The following SLC18A2 variants were observed in gnomAD, a reference collection of about 807,000 sequenced individuals.
SLC18A2 encodes the protein solute carrier family 18 member A2, also known as synaptic vesicular amine transporter.
SLC18A2 carries 33 observed loss-of-function variants against 59.2 expected under a neutral mutation model. The ratio of observed to expected loss-of-function variants is 0.56; its 90% CI spans 0.42 to 0.75. The LOEUF is 0.75. SLC18A2 is among the 30% of genes least tolerant of loss of function. The pLI, the probability that SLC18A2 is intolerant of heterozygous loss-of-function variation, is 0.00. For missense variants in SLC18A2, 569 were observed against 668.6 expected (o/e 0.85, Z 1.64); for synonymous variants, 228 against 253.5 (o/e 0.90, Z 0.95).
At position 117,241,746 on chromosome 10, in the gene SLC18A2, C is replaced by G. The variant is rs556880835; in HGVS notation, c.53C>G (p.Ser18Trp). ...CGCTGGCTGCAGGAGAGCCGCCGCT[C>G]GCGGAAGCTCATCCTGTTCATCGTG... ...LVRWLQESRR[S>W]RKLILFIVFL... The change falls in exon 2 of 16, where the codon TCG becomes TGG. Residue 18 changes from serine to tryptophan, a missense_variant. By Grantham distance (177) the Ser-to-Trp change is radical (BLOSUM62 -3). This residue lies in a region of SLC18A2 where 377 missense variants were observed against 389.8 expected (regional missense o/e 0.97). Transcript: ENST00000644641. 1 of 1,610,468 alleles carries G rather than the reference C, an allele frequency of 6.2e-7. No individual in the cohort carries two copies. Among genetic ancestry groups the G allele is most frequent in the East Asian group, 2.2e-5 (1 of 44,616 alleles).
chr10:117,262,647 A>G (rs896632854), intron 10 of SLC18A2, among the ~76,000 whole-genome samples: 48 of 150,710 alleles, frequency 3.2e-4, no homozygotes, highest in Non-Finnish European at 1.6e-4. Flanking sequence ...TTTGCATGCA[A>G]CTCTTGAGCT....
At chr10:117,268,938 A>G (rs1182075294) in intron 13 of SLC18A2, among the ~76,000 whole-genome samples, 1 of 151,972 alleles carries the variant, frequency 6.6e-6, no homozygotes, top group Non-Finnish European at 1.5e-5. Context: ...TAAAACACAC[A>G]TGCACACACA....
chr10:117,259,017 G>A (rs1322525681), intron 10 of SLC18A2, among the ~76,000 whole-genome samples: 2 of 152,000 alleles, frequency 1.3e-5, no homozygotes, highest in African/African-American at 4.8e-5. Flanking sequence ...ATTTAATGCC[G>A]TTGCAGCGCC....
At chr10:117,256,665 TGGCCAAA>T (rs1844234896) in intron 9 of SLC18A2, among the ~76,000 whole-genome samples, 1 of 152,194 alleles carries the variant, frequency 6.6e-6, no homozygotes, top group African/African-American at 2.4e-5. Context: ...TCATGCTTGC[TGGCCAAA>T]GGGATATGGA....
chr10:117,251,490 A>C (rs182221377), intron 3 of SLC18A2, among the ~76,000 whole-genome samples: 11 of 152,132 alleles, frequency 7.2e-5, no homozygotes, highest in Admixed American at 5.2e-4. Context: ...TCTCTGGTTT[A>C]CCCAATTTGC....
At chr10:117,262,001 G>A (rs200220916) in intron 10 of SLC18A2, among the ~76,000 whole-genome samples, 3 of 152,202 alleles carry the variant, frequency 2.0e-5, no homozygotes, top group East Asian at 3.9e-4. Flanking sequence ...TCTGCCACTC[G>A]GGTTCAAGCA....
At chr10:117,241,868 C>T (rs1844059524) in intron 2 of SLC18A2, 54 bp downstream of exon 2, 1 of 1,528,348 alleles carries the variant, frequency 6.5e-7, no homozygotes, top group South Asian at 1.2e-5. Context: ...GCGCCCCTTC[C>T]CCGGCACTCC....
rs192366715 is a variant in SLC18A2, at chr10:117,253,779, G to A, written c.524-269G>A. Among the ~76,000 whole-genome samples, 853 of 152,344 alleles carry A rather than the reference G, an allele frequency of 5.6e-3. 4 individuals carry two copies. Among genetic ancestry groups the A allele is most frequent in the Non-Finnish European group, 9.3e-3 (630 of 68,032 alleles). On this transcript the variant is annotated intron_variant, in intron 4 of 15. Coordinates refer to ENST00000644641, the MANE Select transcript of SLC18A2 (RefSeq NM_003054.6). ...GAGAATCACTTGAACCTGGAAGACGGAGGTTGCAGTAAGCCGAGATTGCAC... is the reference window on the plus strand; with the variant it reads ...GAGAATCACTTGAACCTGGAAGACGAAGGTTGCAGTAAGCCGAGATTGCAC...
rs79967910 is a variant in SLC18A2 at position 117,249,552 on chromosome 10, G to A, written c.465-3847G>A. On this transcript the variant is annotated intron_variant, in intron 3 of 15. Coordinates refer to ENST00000644641, the MANE Select transcript of SLC18A2 (RefSeq NM_003054.6). The stretch of plus-strand genomic sequence containing the variant: ...CACTGGAAGGGAGCTGTTGTCTCTC[G>A]TTGCATCTGGTGATAGTTTGCACCC... Among the ~76,000 whole-genome samples the A allele has an allele frequency of 4.1e-3, 627 of 152,266 alleles. 2 individuals carry two copies. Among genetic ancestry groups the A allele is most frequent in the African/African-American group, 0.014 (580 of 41,544 alleles).
intron 3 of SLC18A2, among the ~76,000 whole-genome samples, chr10:117,250,315 G>A (rs1844148989): frequency 6.6e-6 from 1 of 152,186 alleles, no homozygotes; most frequent in Non-Finnish European, 1.5e-5. Flanking sequence ...GAGCCTGGTT[G>A]TATCTGAAGC....
chr10:117,244,744 T>C (rs1844094266), intron 3 of SLC18A2, among the ~76,000 whole-genome samples: 1 of 152,196 alleles, frequency 6.6e-6, no homozygotes, highest in African/African-American at 2.4e-5. Flanking sequence ...CAAGGTGTCT[T>C]CTTTTGGAAC....
intron 3 of SLC18A2, among the ~76,000 whole-genome samples, chr10:117,244,794 G>A (rs1844094607): frequency 6.6e-6 from 1 of 152,228 alleles, no homozygotes; most frequent in Non-Finnish European, 1.5e-5. Flanking sequence ...GGTAGGGAGT[G>A]TGGGAAAAGG....
In SLC18A2 at chr10:117,256,260, A is replaced by G. The variant is rs191784668; in HGVS notation, c.895+603A>G. On this transcript the variant is annotated intron_variant, in intron 9 of 15. Transcript: ENST00000644641. Reference sequence around the variant, plus strand: ...TTGGGAAGGATAATGGTCTGCATCTATCCAAGGGACTGTTCCCCAAGACTG... The same window carrying G: ...TTGGGAAGGATAATGGTCTGCATCTGTCCAAGGGACTGTTCCCCAAGACTG... 5.4e-3 allele frequency among the ~76,000 whole-genome samples: 822 copies of G among 152,294 alleles called. 4 individuals are homozygous for G. Among genetic ancestry groups the G allele is most frequent in the Non-Finnish European group, 8.3e-3 (567 of 68,012 alleles).
intron 15 of SLC18A2, 60 bp downstream of exon 15, chr10:117,270,523 T>C (rs1020112997): frequency 1.9e-6 from 3 of 1,583,468 alleles, no homozygotes; most frequent in African/African-American, 2.7e-5. Flanking sequence ...GCCTTCCTGA[T>C]AGCTTCCTCA....
At position 117,244,109 on chromosome 10, in the gene SLC18A2, T is replaced by G. The variant is rs1442401797; in HGVS notation, c.260T>G (p.Met87Arg). The change falls in exon 3 of 16, where the codon ATG (methionine) becomes AGG (arginine). Residue 87 changes from methionine to arginine, a missense_variant. By Grantham distance (91) the Met-to-Arg change is moderately conservative. Around this residue, in one of 2 missense-constraint regions of SLC18A2, gnomAD observed 377 missense variants for 389.8 expected, o/e 0.97. Transcript: ENST00000644641. ...SIFSYYDNSTMVTGNATRDLT... is the reference protein window; with the variant it reads ...SIFSYYDNSTRVTGNATRDLT... ...TTCTCCTATTATGATAACTCGACTA[T>G]GGTCACCGGGAATGCTACCAGAGAC... is the stretch of plus-strand genomic sequence containing the variant. 3 of 1,614,100 alleles carry G rather than the reference T, an allele frequency of 1.9e-6. No individual in the cohort carries two copies. In the Admixed American group the frequency reaches 5.0e-5, roughly 27 times the overall value.
chr10:117,275,997 T>G (rs1424343828), intron 15 of SLC18A2, among the ~76,000 whole-genome samples: 1 of 152,042 alleles, frequency 6.6e-6, no homozygotes, highest in Non-Finnish European at 1.5e-5. Flanking sequence ...AATATGGTCT[T>G]AAAAGATTGG....
At position 117,269,921 on chromosome 10, in the gene SLC18A2, A is replaced by G; in HGVS notation, c.1187-150A>G. 1 of 897,158 alleles carries G rather than the reference A, an allele frequency of 1.1e-6. No individual in the cohort carries two copies. The highest frequency in any genetic ancestry group is 1.8e-5 in the South Asian group (1 of 56,056). 55.6% of individuals were successfully genotyped at this position (897,158 alleles called of 1,614,324 possible). On this transcript the variant is annotated intron_variant, in intron 13 of 15. Coordinates refer to ENST00000644641, the MANE Select transcript of SLC18A2 (RefSeq NM_003054.6). The surrounding 1 kb of genome is among the most constrained non-coding windows in gnomAD (Gnocchi z 5.1). ...AAGGCTTCCTTCATTCTTTCTACTCAAAGATTAGTATCACCCCAAGACTTG... is the reference window on the plus strand; with the variant it reads ...AAGGCTTCCTTCATTCTTTCTACTCGAAGATTAGTATCACCCCAAGACTTG...
chr10:117,270,239 G>T (rs775064772), intron 14 of SLC18A2, 49 bp downstream of exon 14: 2 of 1,613,356 alleles, frequency 1.2e-6, no homozygotes, highest in Admixed American at 1.7e-5. Flanking sequence ...ATACGTAATG[G>T]ATAACGTCTA....
At chr10:117,255,237 T>C in intron 6 of SLC18A2, 40 bp from the exon 7 acceptor site, 1 of 1,556,816 alleles carries the variant, frequency 6.4e-7, no homozygotes, top group Non-Finnish European at 8.9e-7. Flanking sequence ...GGAGAGGGCA[T>C]GTGTCCCAGG....
Sources: gnomAD v4.1 joint callset for allele counts (sites outside exome capture counted in the v4.1 genomes callset) on GRCh38, gnomAD v4.1.1 for gene constraint, gnomAD v4.1.1 regional missense constraint, Gnocchi (gnomAD v3.1) non-coding constraint, MANE v1.5 for transcripts, NCBI Gene and HGNC (gene_info 2026-07-23, HGNC 2026-07-21) for gene names.